CELA2B: variants seen among roughly 807,000 people sequenced by gnomAD.
The protein encoded by CELA2B is chymotrypsin-like elastase family member 2B.
Under a neutral mutation model 36.5 loss-of-function variants are expected in CELA2B, and 27 were observed. That is an observed-to-expected ratio of 0.74 (90% CI 0.55 to 1.02). The LOEUF (loss-of-function observed/expected upper bound fraction) is 1.02, where lower values mean the gene tolerates loss of function less well. Ranked by LOEUF, CELA2B falls within the 50% of genes least tolerant of loss-of-function variation. The pLI is 0.00. For synonymous variants in CELA2B, 143 were observed against 148.5 expected, an observed-to-expected ratio of 0.96 and a Z score of 0.27; for missense variants, 340 against 347.8, an observed-to-expected ratio of 0.98 and a Z score of 0.18.
intron 7 of CELA2B, among the ~76,000 whole-genome samples, chr1:15,490,021 G>A (rs941541303): frequency 1.3e-5 from 2 of 152,022 alleles, no homozygotes; most frequent in African/African-American, 4.8e-5. Context: ...TTACAGGCAT[G>A]CACCACCATG....
At chr1:15,482,118 ATAAC>A (rs959310383) in intron 3 of CELA2B, 143 bp from the exon 4 acceptor site, 49 of 868,286 alleles carry the variant, frequency 5.6e-5, no homozygotes, top group African/African-American at 2.4e-4. Flanking sequence ...AGGCCCTATG[ATAAC>A]TAACTGACTG....
In CELA2B at chr1:15,478,228, AG is replaced by A. The variant is rs1557523202; in HGVS notation, c.129+1684del. On this transcript the variant is annotated intron_variant, in intron 2 of 7. Coordinates refer to ENST00000375910, the MANE Select transcript of CELA2B (RefSeq NM_015849.3). ...TATATATATATATATTGGGATATAT[AG>A]TTTGTTTGTTTGTTTGTTTTTGTTT... 2.9e-4 allele frequency among the ~76,000 whole-genome samples: 44 copies of A among 150,384 alleles called. 1 individual carries two copies. In the East Asian group the frequency reaches 7.8e-3, roughly 27 times the overall value.
At chr1:15,489,141 C>G (rs1427349428) in intron 7 of CELA2B, among the ~76,000 whole-genome samples, 1 of 152,218 alleles carries the variant, frequency 6.6e-6, no homozygotes, top group African/African-American at 2.4e-5. Context: ...CCAGCCCCAG[C>G]TGCTGTGGGA....
chr1:15,490,220 ATATCTATCTATCTATC>A (rs3060903), intron 7 of CELA2B, among the ~76,000 whole-genome samples: 2,320 of 148,620 alleles, frequency 0.016, 59 homozygotes, highest in African/African-American at 0.052. Context: ...CTTTATGTGC[ATATCTATCTATCTATC>A]TATCTATCTA....
At chr1:15,486,152 GC>G in intron 6 of CELA2B, 106 bp downstream of exon 6, 1 of 1,409,722 alleles carries the variant, frequency 7.1e-7, no homozygotes, top group Non-Finnish European at 9.7e-7. Flanking sequence ...CGACCTCCTG[GC>G]AGAAGCACCC....
rs1197317185 is a variant in CELA2B, at chr1:15,482,287, A to C, written c.250A>C (p.Met84Leu). ...CISSSGIYRV[M>L]LGQHNLYVAE... ...CAGCTCCTCCGGGATCTACCGCGTGATGCTGGGCCAGCATAACCTCTACGT... is the reference window on the plus strand; with the variant it reads ...CAGCTCCTCCGGGATCTACCGCGTGCTGCTGGGCCAGCATAACCTCTACGT... The change falls in exon 4 of 8, where the codon ATG becomes CTG. Residue 84 changes from methionine (M) to leucine (L), a missense_variant. Met to Leu is a conservative substitution (Grantham distance 15). Transcript: ENST00000375910. 3.1e-6 allele frequency: 5 copies of C among 1,613,858 alleles called. No individual in the cohort carries two copies. The highest frequency in any genetic ancestry group is 3.4e-6 in the Non-Finnish European group (4 of 1,179,952).
At chr1:15,485,734 C>T (rs1159722226) in intron 5 of CELA2B, 167 bp from the exon 6 acceptor site, 25 of 850,428 alleles carry the variant, frequency 2.9e-5, no homozygotes, top group Non-Finnish European at 5.6e-6. Context: ...TCACCAGTGG[C>T]CAGCACACTA....
At position 15,483,656 on chromosome 1, in the gene CELA2B, G is replaced by A. The variant is rs143222921; in HGVS notation, c.493+256G>A. Among the ~76,000 whole-genome samples the A allele has an allele frequency of 8.1e-3, 1,231 of 152,248 alleles. 15 individuals carry two copies. The highest frequency in any genetic ancestry group is 0.027 in the African/African-American group (1,117 of 41,534). On this transcript the variant is annotated intron_variant, in intron 5 of 7. Transcript: ENST00000375910. ...AAAATGCAAATAATTGGCTGGGCGC[G>A]GTGGCTCACGCCTGTAATCCCGGCA...
intron 7 of CELA2B, among the ~76,000 whole-genome samples, chr1:15,487,657 G>A (rs952111600): frequency 6.6e-6 from 1 of 152,206 alleles, no homozygotes; most frequent in Non-Finnish European, 1.5e-5. Flanking sequence ...TGAGAGTATG[G>A]CCTTGTCCAA....
intron 6 of CELA2B, among the ~76,000 whole-genome samples, chr1:15,487,003 A>G (rs1385809062): frequency 6.6e-6 from 1 of 152,136 alleles, no homozygotes; most frequent in Non-Finnish European, 1.5e-5. Context: ...TCAACACTCC[A>G]GTTTCTCCTC....
At position 15,483,389 on chromosome 1, in the gene CELA2B, G is replaced by A. The variant is rs1197803537; in HGVS notation, c.482G>A (p.Gly161Glu). 1 of 1,613,894 alleles carries A rather than the reference G, an allele frequency of 6.2e-7. No individual in the cohort carries two copies. The highest frequency in any genetic ancestry group is 1.1e-5 in the South Asian group (1 of 91,052). Reference protein sequence around the residue: ...NNYPCYVTGWGRLQTNGALPD... With the variant: ...NNYPCYVTGWERLQTNGALPD... ...TACCCCTGCTACGTCACGGGCTGGG[G>A]AAGGCTGCAGAGTAAGTGGGAGCCA... Residue 161 changes from glycine (G) to glutamate (E), a missense_variant, in exon 5 of 8, where the codon GGA (glycine) becomes GAA (glutamate). Physicochemically the swap from Gly to Glu is moderately conservative, Grantham distance 98. Transcript: ENST00000375910.
At chr1:15,483,728 G>C (rs1011346342) in intron 5 of CELA2B, among the ~76,000 whole-genome samples, 2 of 152,172 alleles carry the variant, frequency 1.3e-5, no homozygotes, top group Non-Finnish European at 2.9e-5. Flanking sequence ...ATGAGTTTGA[G>C]AGCAGCCTGG....
chr1:15,488,792 G>T (rs1340560314), intron 7 of CELA2B, among the ~76,000 whole-genome samples: 2 of 152,344 alleles, frequency 1.3e-5, no homozygotes, highest in Admixed American at 1.3e-4. Flanking sequence ...TAAGCACGTG[G>T]TCAGGGGAGA....
Position 15,487,404 on chromosome 1 carries a change from G to A in CELA2B, c.759G>A (p.Thr253=), listed in dbSNP as rs1475111215. 23 of 1,614,118 alleles carry A rather than the reference G, an allele frequency of 1.4e-5. No homozygotes were observed. Among genetic ancestry groups the A allele is most frequent in the Middle Eastern group, 1.6e-4 (1 of 6,082 alleles). Residue 253 remains threonine, a synonymous_variant, in exon 7 of 8, where the codon ACG becomes ACA. Coordinates refer to ENST00000375910, the MANE Select transcript of CELA2B (RefSeq NM_015849.3). ...ACTACTACAAGCCCTCCATCTTCAC[G>A]CGGGTCTCCAACTACAACGACTGGA... ...CNYYYKPSIF[T]RVSNYNDWIN...
Position 15,487,436 on chromosome 1 carries a change from C to A in CELA2B, c.791C>A (p.Ser264Ter), listed in dbSNP as rs765578060. The change falls in exon 7 of 8, where the codon TCG becomes TAG. Residue 264 changes from serine (S) to a stop codon, truncating the protein, a stop_gained and splice_region_variant. Coordinates refer to ENST00000375910, the MANE Select transcript of CELA2B (RefSeq NM_015849.3). LOFTEE classifies it high-confidence loss of function. ...TCCAACTACAACGACTGGATCAATT[C>A]GGTAAGAACCGGAGCAGCCCTGAGC... ...RVSNYNDWIN[S>*]VIANN 3.1e-6 allele frequency: 5 copies of A among 1,614,192 alleles called. No homozygotes were observed. Among genetic ancestry groups the A allele is most frequent in the Admixed American group, 1.7e-5 (1 of 60,030 alleles).
intron 2 of CELA2B, among the ~76,000 whole-genome samples, chr1:15,477,682 TTC>T (rs1388761245): frequency 9.8e-5 from 15 of 152,302 alleles, no homozygotes; most frequent in Middle Eastern, 3.4e-3. Flanking sequence ...CCCCCAATCT[TTC>T]TGTTTCCTCA....
intron 7 of CELA2B, among the ~76,000 whole-genome samples, chr1:15,489,794 ACAGG>A (rs1708852045): frequency 1.3e-5 from 2 of 152,240 alleles, no homozygotes; most frequent in Non-Finnish European, 1.5e-5. Flanking sequence ...TTAAAAGAAT[ACAGG>A]AGAGTATCAA....
chr1:15,486,095 G>A (rs749456094), intron 6 of CELA2B, 49 bp downstream of exon 6: 5 of 1,597,924 alleles, frequency 3.1e-6, no homozygotes, highest in Non-Finnish European at 4.3e-6. Flanking sequence ...ATGTGGCTGG[G>A]GATGGGAAGA....
Position 15,481,192 on chromosome 1 carries a change from T to C in CELA2B, c.224T>C (p.Ile75Thr), listed in dbSNP as rs1708737877. The C allele has an allele frequency of 5.0e-6, 8 of 1,614,222 alleles. No homozygotes were observed. Among genetic ancestry groups the C allele is most frequent in the Non-Finnish European group, 6.8e-6 (8 of 1,180,034 alleles). Residue 75 changes from isoleucine to threonine, a missense_variant, in exon 3 of 8, where the codon ATC (isoleucine) becomes ACC (threonine). Ile to Thr is a moderately conservative substitution (Grantham distance 89, BLOSUM62 -1). Transcript: ENST00000375910. ...TGGGTCCTGACGGCTGCCCACTGCA[T>C]CAGGTAACTGCCATTCCCTGGGCGC... is the stretch of plus-strand genomic sequence containing the variant. ...NSWVLTAAHC[I>T]SSSGIYRVML...
Sources: gnomAD v4.1 joint callset for allele counts (sites outside exome capture counted in the v4.1 genomes callset) on GRCh38, gnomAD v4.1.1 for gene constraint, MANE v1.5 for transcripts, NCBI Gene and HGNC (gene_info 2026-07-23, HGNC 2026-07-21) for gene names.